The following CDH23 variants were observed in gnomAD, a reference collection of about 807,000 sequenced individuals.
CDH23 encodes the protein cadherin-23.
In CDH23, 189 loss-of-function variants were observed where a neutral mutation model predicts 317.1. The observed-to-expected ratio is 0.60, with a 90% confidence interval of 0.53 to 0.67. The LOEUF (loss-of-function observed/expected upper bound fraction) is 0.67, where lower values mean the gene tolerates loss of function less well. CDH23 is among the 30% of genes least tolerant of loss of function. The pLI is 0.00. For synonymous variants in CDH23, 1,839 were observed against 1,876.8 expected (o/e 0.98, Z 0.52); for missense variants, 4,401 against 4,592.4 (o/e 0.96, Z 1.20).
intron 47 of CDH23, 47 bp downstream of exon 47, chr10:71,791,382 G>A: frequency 6.5e-7 from 1 of 1,536,074 alleles, no homozygotes; most frequent in Non-Finnish European, 8.9e-7. Flanking sequence ...GGGCCGGTTG[G>A]TGGTCACAGG....
At chr10:71,727,939 CAG>C (rs1739836323) in intron 30 of CDH23, among the ~76,000 whole-genome samples, 1 of 152,176 alleles carries the variant, frequency 6.6e-6, no homozygotes, top group Non-Finnish European at 1.5e-5. Flanking sequence ...CTGCTAAAAA[CAG>C]GCTGAAACCG....
chr10:71,401,658 C>T (rs1421175520), intron 1 of CDH23, among the ~76,000 whole-genome samples: 1 of 152,060 alleles, frequency 6.6e-6, no homozygotes, highest in Non-Finnish European at 1.5e-5. Flanking sequence ...GCATGTAACA[C>T]AATAGGGAGT....
intron 14 of CDH23, among the ~76,000 whole-genome samples, chr10:71,669,276 A>G (rs899358987): frequency 2.0e-5 from 3 of 152,216 alleles, no homozygotes; most frequent in African/African-American, 7.2e-5. Flanking sequence ...ACTGTCCCAT[A>G]GACTGGCATA....
At chr10:71,758,901 G>A (rs747189199) in intron 38 of CDH23, among the ~76,000 whole-genome samples, 3 of 152,082 alleles carry the variant, frequency 2.0e-5, no homozygotes, top group African/African-American at 7.2e-5. Context: ...ACAGAGTCTC[G>A]CTCTGTCACC....
chr10:71,626,021 G>A (rs963526608), intron 11 of CDH23, among the ~76,000 whole-genome samples: 2 of 152,130 alleles, frequency 1.3e-5, no homozygotes, highest in Admixed American at 6.5e-5. Context: ...TACCATTTAC[G>A]CTCATCACTG....
rs369002480 is a variant in CDH23, at chr10:71,712,749, T to A, written c.3305T>A (p.Phe1102Tyr). Residue 1102 changes from phenylalanine (F) to tyrosine (Y), a missense_variant, in exon 28 of 70, where the codon TTT becomes TAT. By Grantham distance (22) the Phe-to-Tyr change is conservative. Transcript: ENST00000224721. ...GATGTGAATGACAACCGGCCCATCT[T>A]TCTGCAGAGCAGCTATGAGGCCAGC... is the stretch of plus-strand genomic sequence containing the variant. ...VLDVNDNRPI[F>Y]LQSSYEASVP... 8.1e-6 allele frequency: 13 copies of A among 1,613,532 alleles called. No homozygotes were observed. Among genetic ancestry groups the A allele is most frequent in the Non-Finnish European group, 1.1e-5 (13 of 1,179,846 alleles).
intron 2 of CDH23, among the ~76,000 whole-genome samples, chr10:71,441,483 C>T (rs893450370): frequency 6.6e-6 from 1 of 152,142 alleles, no homozygotes; most frequent in Admixed American, 6.6e-5. Flanking sequence ...CTTTGGGAAG[C>T]AGAGGTGGGA....
intron 6 of CDH23, among the ~76,000 whole-genome samples, chr10:71,520,318 A>C (rs1044519204): frequency 1.1e-4 from 16 of 152,162 alleles, no homozygotes; most frequent in South Asian, 2.1e-4. Flanking sequence ...TGAAAGAGTC[A>C]TCAAGAAACA....
intron 38 of CDH23, chr10:71,773,476 G>C (rs1258105680): frequency 8.4e-6 from 13 of 1,554,594 alleles, no homozygotes; most frequent in Non-Finnish European, 1.1e-5. Flanking sequence ...TCTGGTGCCG[G>C]GGAGCGGGCG....
At chr10:71,515,527 A>AT (rs200757723) in intron 6 of CDH23, among the ~76,000 whole-genome samples, 10,749 of 146,868 alleles carry the variant, frequency 0.073, 1,182 homozygotes, top group African/African-American at 0.24. Context: ...GATCTGCCCA[A>AT]TTTTTTTTTT....
chr10:71,783,596 C>T (rs1404240275), intron 41 of CDH23, among the ~76,000 whole-genome samples: 3 of 152,244 alleles, frequency 2.0e-5, no homozygotes, highest in Non-Finnish European at 4.4e-5. Context: ...ACATCGGGCC[C>T]TGCAGCCCAG....
At chr10:71,505,586 C>G (rs78499909) in intron 3 of CDH23, among the ~76,000 whole-genome samples, 2,507 of 152,194 alleles carry the variant, frequency 0.016, 57 homozygotes, top group African/African-American at 0.053. Flanking sequence ...CACTCACAGG[C>G]GCTGGCAGTT....
chr10:71,400,429 CACAGTCATGGGCCTTACA>C (rs765351427), intron 1 of CDH23, among the ~76,000 whole-genome samples: 12,544 of 152,196 alleles, frequency 0.082, 1,604 homozygotes, highest in African/African-American at 0.27. Context: ...CTATGGGAGA[CACAGTCATGGGCCTTACA>C]AAGAGCGAGC....
intron 55 of CDH23, among the ~76,000 whole-genome samples, chr10:71,803,815 CAAAAA>C (rs59916449): frequency 7.0e-5 from 5 of 71,080 alleles, no homozygotes; most frequent in Non-Finnish European, 1.3e-4. Flanking sequence ...ACTAAAAATG[CAAAAA>C]AAAAAAAAAA....
At chr10:71,768,416 C>T (rs1335248119) in intron 38 of CDH23, among the ~76,000 whole-genome samples, 5 of 152,130 alleles carry the variant, frequency 3.3e-5, no homozygotes, top group Non-Finnish European at 7.4e-5. Flanking sequence ...TGTGATCCAC[C>T]CGCCTCGTCC....
intron 31 of CDH23, among the ~76,000 whole-genome samples, chr10:71,731,051 C>T (rs1276390779): frequency 6.6e-6 from 1 of 152,256 alleles, no homozygotes; most frequent in East Asian, 1.9e-4. Context: ...GGGCAGTACC[C>T]TTCCTGTGCC....
chr10:71,610,165 G>A (rs190474642), intron 9 of CDH23, among the ~76,000 whole-genome samples: 120 of 152,174 alleles, frequency 7.9e-4, no homozygotes, highest in Non-Finnish European at 1.4e-3. Flanking sequence ...CAGCATGCCC[G>A]GCTAATTTTT....
At chr10:71,403,341 TTC>T (rs1305177264) in intron 1 of CDH23, among the ~76,000 whole-genome samples, 4 of 54,304 alleles carry the variant, frequency 7.4e-5, no homozygotes, top group Admixed American at 6.8e-4. Context: ...CTTTCTTTCT[TTC>T]TTTCTTTCTT....
chr10:71,557,418 G>T (rs1467804336), intron 6 of CDH23, among the ~76,000 whole-genome samples: 6 of 152,164 alleles, frequency 3.9e-5, no homozygotes, highest in Non-Finnish European at 8.8e-5. Context: ...GACTTGTGTG[G>T]TGTTCTGGAG....
Sources: gnomAD v4.1 joint callset for allele counts (sites outside exome capture counted in the v4.1 genomes callset) on GRCh38, gnomAD v4.1.1 for gene constraint, MANE v1.5 for transcripts, NCBI Gene and HGNC (gene_info 2026-07-23, HGNC 2026-07-21) for gene names.